The following TAF6L variants were observed in gnomAD, a reference collection of about 807,000 sequenced individuals.
The protein encoded by TAF6L is TAF6-like RNA polymerase II p300/CBP-associated factor-associated factor 65 kDa subunit 6L.
TAF6L carries 34 observed loss-of-function variants against 57.3 expected under a neutral mutation model. That is an observed-to-expected ratio of 0.59 (90% CI 0.45 to 0.79). The LOEUF (loss-of-function observed/expected upper bound fraction) is 0.79, where lower values mean the gene tolerates loss of function less well. TAF6L is among the 30% of genes least tolerant of loss of function. TAF6L has a pLI of 0.00. For synonymous variants in TAF6L, 417 were observed against 376.3 expected (o/e 1.11, Z -1.25); for missense variants, 782 against 853.2 (o/e 0.92, Z 1.04).
Position 62,786,616 on chromosome 11 carries a change from T to TG in TAF6L, c.1192dup (p.Asp398GlyfsTer53). ...GTGCCGGCGCCTGGACGACCTGCCATGGGACAGCCTTCTCTTTCAAGAGTC... is the reference window on the plus strand; with the variant it reads ...GTGCCGGCGCCTGGACGACCTGCCATGGGGACAGCCTTCTCTTTCAAGAGTC... On this transcript the variant is annotated frameshift_variant, in exon 11 of 11. Transcript: ENST00000294168. LOFTEE classifies it high-confidence loss of function. 1 of 1,595,996 alleles carries TG rather than the reference T, an allele frequency of 6.3e-7. No homozygotes were observed. Among genetic ancestry groups the TG allele is most frequent in the Non-Finnish European group, 8.5e-7 (1 of 1,170,624 alleles).
intron 5 of TAF6L, 136 bp from the exon 6 acceptor site, chr11:62,778,733 C>A: frequency 1.3e-6 from 1 of 764,202 alleles, no homozygotes; most frequent in Non-Finnish European, 2.3e-6. Context: ...TAAGAGCAGT[C>A]TCTTGCCCTG....
chr11:62,778,216 C>G (rs1372031765), intron 4 of TAF6L, 69 bp from the exon 5 acceptor site: 1 of 1,613,408 alleles, frequency 6.2e-7, no homozygotes, highest in African/African-American at 1.3e-5. Flanking sequence ...AGAGGCAGAA[C>G]TTGGAGGGGT....
Position 62,787,005 on chromosome 11 carries a change from C to A in TAF6L, c.1578C>A (p.Arg526=). Residue 526 remains arginine, a synonymous_variant, in exon 11 of 11, where the codon CGC becomes CGA. Coordinates refer to ENST00000294168, the MANE Select transcript of TAF6L (RefSeq NM_006473.4). ...CCTCTGAGAGCAGGCCCTTGCCGCG[C>A]GTGCATCGGGCGCGCGGGGCACCCC... The part of the protein sequence containing the change: ...PAASESRPLP[R]VHRARGAPRQ... 1 of 1,483,704 alleles carries A rather than the reference C, an allele frequency of 6.7e-7. No individual in the cohort carries two copies. The allele number at this position is 1,483,704 out of a possible 1,614,324, so 91.9% of individuals were successfully genotyped here.
intron 9 of TAF6L, among the ~76,000 whole-genome samples, chr11:62,785,434 C>T (rs192796677): frequency 1.5e-4 from 23 of 149,736 alleles, no homozygotes; most frequent in African/African-American, 5.4e-4. Flanking sequence ...CCTCCTGATC[C>T]GCCTGCCTTG....
At chr11:62,782,612 C>A in intron 8 of TAF6L, 81 bp from the exon 9 acceptor site, 1 of 1,568,320 alleles carries the variant, frequency 6.4e-7, no homozygotes, top group Non-Finnish European at 8.7e-7. Context: ...TGTACAGATG[C>A]TATTCTCTTT....
Position 62,782,192 on chromosome 11 carries a change from T to C in TAF6L, c.686T>C (p.Leu229Pro), listed in dbSNP as rs1453988780. Reference protein sequence around the residue: ...VARSLFRNPHLCLGPYVRCLV... With the variant: ...VARSLFRNPHPCLGPYVRCLV... The stretch of plus-strand genomic sequence containing the variant: ...CGGAGCCTATTTCGTAATCCGCACC[T>C]GTGCTTGGGGCCCTATGTCCGCTGT... Residue 229 changes from leucine (L) to proline (P), a missense_variant, in exon 8 of 11, where the codon CTG becomes CCG. By Grantham distance (98) the Leu-to-Pro change is moderately conservative. Around this residue, in one of 3 missense-constraint regions of TAF6L, gnomAD observed 79 missense variants for 156.0 expected, o/e 0.51. Transcript: ENST00000294168. 1 of 1,614,036 alleles carries C rather than the reference T, an allele frequency of 6.2e-7. No individual in the cohort carries two copies. Among genetic ancestry groups the C allele is most frequent in the Non-Finnish European group, 8.5e-7 (1 of 1,180,020 alleles).
At chr11:62,772,050 C>T in intron 1 of TAF6L, 1 of 455,430 alleles carries the variant, frequency 2.2e-6, no homozygotes. Context: ...AGTCCTTGCT[C>T]CCCCTCCCTA....
Position 62,778,070 on chromosome 11 carries a change from G to C in TAF6L, c.327G>C (p.Leu109=), listed in dbSNP as rs1051457068. The C allele has an allele frequency of 8.1e-6, 13 of 1,614,100 alleles. No homozygotes were observed. The highest frequency in any genetic ancestry group is 1.0e-5 in the Non-Finnish European group (12 of 1,180,002). The part of the protein sequence containing the change: ...LYFPEDREVN[L]VELALATNIP... ...TTCCTGAGGATCGAGAGGTGAACCT[G>C]GTGGAGCTGGCCCTGGCTACCAACA... The change falls in exon 4 of 11, where the codon CTG becomes CTC. Residue 109 remains leucine, a synonymous_variant. Coordinates refer to ENST00000294168, the MANE Select transcript of TAF6L (RefSeq NM_006473.4).
intron 1 of TAF6L, chr11:62,771,885 G>A: frequency 3.2e-6 from 1 of 309,252 alleles, no homozygotes; most frequent in Admixed American, 4.4e-5. Context: ...TACAGATAGG[G>A]AAACTGCAGC....
chr11:62,771,856 G>T, intron 1 of TAF6L: 1 of 306,168 alleles, frequency 3.3e-6, no homozygotes, highest in Non-Finnish European at 6.5e-6. Flanking sequence ...TCGCGCTGGT[G>T]GACTAAATGC....
intron 6 of TAF6L, 134 bp downstream of exon 6, chr11:62,779,097 C>T (rs899391466): frequency 3.4e-5 from 23 of 683,112 alleles, no homozygotes; most frequent in African/African-American, 1.4e-4. Flanking sequence ...CTCAGCTCAC[C>T]GCACCCTCTG....
At chr11:62,776,186 GTGAGAAAC>G (rs2084186912) in intron 2 of TAF6L, among the ~76,000 whole-genome samples, 190 bp from the exon 3 acceptor site, 1 of 152,194 alleles carries the variant, frequency 6.6e-6, no homozygotes, top group South Asian at 2.1e-4. Flanking sequence ...CATTCTGCAT[GTGAGAAAC>G]TGAGGTGTTG....
chr11:62,776,063 C>T, intron 2 of TAF6L, 133 bp downstream of exon 2: 2 of 1,206,240 alleles, frequency 1.7e-6, no homozygotes, highest in South Asian at 1.6e-5. Context: ...CATGCCTTTA[C>T]AGAACTCTAC....
chr11:62,771,887 A>C, intron 1 of TAF6L: 1 of 309,718 alleles, frequency 3.2e-6, no homozygotes, highest in Admixed American at 4.4e-5. Context: ...CAGATAGGGA[A>C]ACTGCAGCTT....
chr11:62,776,022 T>G, intron 2 of TAF6L, 92 bp downstream of exon 2: 2 of 1,422,768 alleles, frequency 1.4e-6, no homozygotes, highest in Non-Finnish European at 1.9e-6. Flanking sequence ...AAGTGTACAC[T>G]GGGTGCCTGC....
At chr11:62,774,685 C>T (rs1343030033) in intron 1 of TAF6L, 2 of 454,592 alleles carry the variant, frequency 4.4e-6, no homozygotes, top group South Asian at 3.1e-5. Flanking sequence ...AAACAGGTTC[C>T]AGCATTTAGG....
chr11:62,773,631 G>C (rs556920623), intron 1 of TAF6L, among the ~76,000 whole-genome samples: 7 of 151,948 alleles, frequency 4.6e-5, no homozygotes, highest in Non-Finnish European at 7.4e-5. Flanking sequence ...ATTTGTAGTA[G>C]AGATGGGGGT....
intron 6 of TAF6L, among the ~76,000 whole-genome samples, chr11:62,779,976 A>ATATATATATATATTTTTTTTTTT (rs1294367864): frequency 1.9e-5 from 1 of 52,630 alleles, no homozygotes; most frequent in Non-Finnish European, 3.6e-5. Flanking sequence ...ATATATATAT[A>ATATATATATATATTTTTTTTTTT]TTTTTTTTTT....
Position 62,782,676 on chromosome 11 carries a change from G to A in TAF6L, c.828-17G>A. 1 of 1,610,394 alleles carries A rather than the reference G, an allele frequency of 6.2e-7. No homozygotes were observed. Among genetic ancestry groups the A allele is most frequent in the Non-Finnish European group, 8.5e-7 (1 of 1,178,658 alleles). On this transcript the variant is annotated splice_polypyrimidine_tract_variant and intron_variant, in intron 8 of 10. Coordinates refer to ENST00000294168, the MANE Select transcript of TAF6L (RefSeq NM_006473.4). ...CCATGCCTCATTCCCCTCCCTAACT[G>A]AATGGTGCTCCCACAGGACTCATGG... is the stretch of plus-strand genomic sequence containing the variant.
Sources: gnomAD v4.1 joint callset for allele counts (sites outside exome capture counted in the v4.1 genomes callset) on GRCh38, gnomAD v4.1.1 for gene constraint, gnomAD v4.1.1 regional missense constraint, MANE v1.5 for transcripts, NCBI Gene and HGNC (gene_info 2026-07-23, HGNC 2026-07-21) for gene names.